The following AZIN1 variants were observed in gnomAD, a reference collection of about 807,000 sequenced individuals.
The protein encoded by AZIN1 is ornithine decarboxylase antizyme inhibitor.
A neutral mutation model predicts 47.4 loss-of-function variants in AZIN1; 12 were observed. That is an observed-to-expected ratio of 0.25 (90% CI 0.16 to 0.41). AZIN1 has a LOEUF of 0.41. Ranked by LOEUF, AZIN1 falls within the 10% of genes least tolerant of loss-of-function variation. The probability of loss-of-function intolerance (pLI) is 1.00; values close to 1 mark genes in which losing one functional copy is unlikely to be tolerated. For synonymous variants in AZIN1, 155 were observed against 176.3 expected (o/e 0.88, Z 0.96); for missense variants, 410 against 532.4 (o/e 0.77, Z 2.26).
At chr8:102,844,309 C>T (rs1432367520) in intron 2 of AZIN1, among the ~76,000 whole-genome samples, 1 of 151,144 alleles carries the variant, frequency 6.6e-6, no homozygotes, top group Non-Finnish European at 1.5e-5. Flanking sequence ...GAGTTTGAGA[C>T]CGGCCTGGAC....
At position 102,836,899 on chromosome 8, in the gene AZIN1, T is replaced by A. The variant is rs112818738; in HGVS notation, c.450-509A>T. On this transcript the variant is annotated intron_variant, in intron 5 of 11. Transcript: ENST00000337198. ...CTGGAAAAAAATAGGAAGCATTTTT[T>A]AAATTTTTTTTTCTTTTTTTTCTGA... Among the ~76,000 whole-genome samples the A allele has an allele frequency of 4.9e-3, 741 of 152,330 alleles. 7 individuals are homozygous for A. The highest frequency in any genetic ancestry group is 0.017 in the African/African-American group (711 of 41,564).
Position 102,862,965 on chromosome 8 carries a change from A to C in AZIN1, c.-234+842T>G, listed in dbSNP as rs549456555. 5.9e-5 allele frequency among the ~76,000 whole-genome samples: 9 copies of C among 152,322 alleles called. No homozygotes were observed. In the East Asian group the frequency reaches 1.7e-3, roughly 29 times the overall value. The stretch of plus-strand genomic sequence containing the variant: ...GTAGTTGATAAGCCACCCGTCTACC[A>C]ATCTCCCTCTTTCTGCCTAGGAACC... On this transcript the variant is annotated intron_variant, in intron 1 of 11. Transcript: ENST00000337198.
chr8:102,841,805 TAAAA>T (rs1269379100), intron 3 of AZIN1, among the ~76,000 whole-genome samples: 1 of 114,444 alleles, frequency 8.7e-6, no homozygotes, highest in African/African-American at 3.2e-5. Context: ...TATATATATA[TAAAA>T]AAAAAAAAAA....
At chr8:102,842,638 C>T (rs558602595) in intron 3 of AZIN1, among the ~76,000 whole-genome samples, 51 of 148,420 alleles carry the variant, frequency 3.4e-4, no homozygotes, top group Non-Finnish European at 5.5e-4. Flanking sequence ...ACCTGGGAGG[C>T]GGAGGTTGCA....
At chr8:102,859,542 G>A (rs962674061) in intron 1 of AZIN1, among the ~76,000 whole-genome samples, 4 of 151,326 alleles carry the variant, frequency 2.6e-5, no homozygotes, top group South Asian at 2.1e-4. Context: ...GGGAATGAAG[G>A]CTCTAGAATT....
At chr8:102,850,362 A>T (rs934948250) in intron 2 of AZIN1, among the ~76,000 whole-genome samples, 2 of 152,138 alleles carry the variant, frequency 1.3e-5, no homozygotes, top group African/African-American at 4.8e-5. Flanking sequence ...ATGACTTAGC[A>T]CCCAGCTCAC....
intron 1 of AZIN1, chr8:102,859,008 C>G (rs1813461106): frequency 6.6e-6 from 1 of 152,134 alleles, no homozygotes; most frequent in Non-Finnish European, 1.5e-5. Flanking sequence ...AAGAAGGAAG[C>G]CAGAAAACCA....
intron 2 of AZIN1, among the ~76,000 whole-genome samples, chr8:102,849,323 C>A (rs1211835572): frequency 6.6e-6 from 1 of 152,010 alleles, no homozygotes; most frequent in Non-Finnish European, 1.5e-5. Context: ...AACCCCCGCA[C>A]AGGGACTCTT....
intron 6 of AZIN1, 31 bp downstream of exon 6, chr8:102,836,225 A>G (rs1811815607): frequency 6.3e-7 from 1 of 1,599,084 alleles, no homozygotes; most frequent in Non-Finnish European, 8.5e-7. Flanking sequence ...TAAAATGTTC[A>G]CAGCTTTAAA....
At chr8:102,853,231 G>A (rs1287858572) in intron 2 of AZIN1, among the ~76,000 whole-genome samples, 4 of 152,250 alleles carry the variant, frequency 2.6e-5, no homozygotes, top group South Asian at 2.1e-4. Context: ...ATGGTCGGGC[G>A]CAGTGGCGCA....
intron 10 of AZIN1, 121 bp downstream of exon 10, chr8:102,829,700 C>A: frequency 1.1e-6 from 1 of 882,090 alleles, no homozygotes; most frequent in Non-Finnish European, 1.8e-6. Flanking sequence ...GAACGCAAAT[C>A]CTCAAAAAGG....
Position 102,826,693 on chromosome 8 carries a change from G to C in AZIN1, c.*1874C>G, listed in dbSNP as rs555747278. ...AGATATGGCAAAGTTGATATGCCAT[G>C]AAGTTCAAGGCCTGTATAGTCAAGC... On this transcript the variant is annotated 3_prime_UTR_variant, in exon 12 of 12. Transcript: ENST00000337198. 13 of 152,572 alleles carry C rather than the reference G, an allele frequency of 8.5e-5. No individual in the cohort carries two copies. The highest frequency in any genetic ancestry group is 1.9e-4 in the Non-Finnish European group (13 of 68,016). The allele number at this position is 152,572 out of a possible 1,614,324, so 9.5% of individuals were successfully genotyped here.
At chr8:102,833,440 CTAA>C (rs1033379328) in intron 8 of AZIN1, among the ~76,000 whole-genome samples, 1 of 151,472 alleles carries the variant, frequency 6.6e-6, no homozygotes, top group Non-Finnish European at 1.5e-5. Context: ...AAAAATAGCT[CTAA>C]TAACAAATAC....
chr8:102,851,283 A>G (rs1812901258), intron 2 of AZIN1, among the ~76,000 whole-genome samples: 1 of 152,220 alleles, frequency 6.6e-6, no homozygotes, highest in South Asian at 2.1e-4. Context: ...TCCTTTAAAG[A>G]GACACACTAT....
At chr8:102,829,001 C>T (rs892923013) in intron 11 of AZIN1, among the ~76,000 whole-genome samples, 1 of 152,198 alleles carries the variant, frequency 6.6e-6, no homozygotes, top group Non-Finnish European at 1.5e-5. Flanking sequence ...ATTACAACTG[C>T]CAACAGTATT....
chr8:102,846,517 A>G (rs1025122032), intron 2 of AZIN1, among the ~76,000 whole-genome samples: 2 of 152,170 alleles, frequency 1.3e-5, no homozygotes, highest in African/African-American at 4.8e-5. Context: ...TATTATCTCC[A>G]TTGATATACT....
chr8:102,843,460 C>A, intron 3 of AZIN1, 91 bp downstream of exon 3: 1 of 1,142,450 alleles, frequency 8.8e-7, no homozygotes, highest in South Asian at 1.4e-5. Context: ...GAACCAAGTA[C>A]TTCTGATCAG....
intron 2 of AZIN1, among the ~76,000 whole-genome samples, chr8:102,844,276 G>A (rs1283801726): frequency 6.6e-6 from 1 of 152,046 alleles, no homozygotes; most frequent in African/African-American, 2.4e-5. Flanking sequence ...AGAGGCCCAG[G>A]CCGGTAGATT....
chr8:102,840,181 T>C (rs2436846), intron 3 of AZIN1, among the ~76,000 whole-genome samples: 56,888 of 151,846 alleles, frequency 0.37, 11,560 homozygotes, highest in South Asian at 0.46. Flanking sequence ...TCTCCCATGC[T>C]TCCCCCACTG....
Sources: gnomAD v4.1 joint callset for allele counts (sites outside exome capture counted in the v4.1 genomes callset) on GRCh38, gnomAD v4.1.1 for gene constraint, MANE v1.5 for transcripts, NCBI Gene and HGNC (gene_info 2026-07-23, HGNC 2026-07-21) for gene names.